The following SEC24B variants were observed in gnomAD, a reference collection of about 807,000 sequenced individuals.
The protein encoded by SEC24B is SEC24 homolog B, COPII component.
A neutral mutation model predicts 142.8 loss-of-function variants in SEC24B; 45 were observed. The observed-to-expected ratio is 0.32, with a 90% confidence interval of 0.25 to 0.40. The LOEUF is 0.40. Ranked by LOEUF, SEC24B falls within the 10% of genes least tolerant of loss-of-function variation. The probability of loss-of-function intolerance (pLI) is 1.00; values close to 1 mark genes in which losing one functional copy is unlikely to be tolerated. For missense variants in SEC24B, 1,409 were observed against 1,526.8 expected, an observed-to-expected ratio of 0.92 and a Z score of 1.29; for synonymous variants, 574 against 568.2, an observed-to-expected ratio of 1.01 and a Z score of -0.15.
rs76859998 is a variant in SEC24B at position 109,516,606 on chromosome 4, A to G, written c.2092A>G (p.Ile698Val). 7.6e-5 allele frequency: 123 copies of G among 1,612,014 alleles called. No individual in the cohort carries two copies. In the East Asian group the frequency reaches 2.4e-3, roughly 31 times the overall value. The change falls in exon 11 of 24, where the codon ATT becomes GTT. Residue 698 changes from isoleucine to valine, a missense_variant. This residue lies in a region of SEC24B where 700 missense variants were observed against 853.3 expected (regional missense o/e 0.82). Coordinates refer to ENST00000265175, the MANE Select transcript of SEC24B (RefSeq NM_006323.5). ...HNAVEAGYLT[I>V]LCQSLLENLD... ...TGCAGTGGAAGCTGGATATTTGACA[A>G]TTTTGTGCCAGTCACTCCTAGAAAA...
chr4:109,463,274 T>C lies in SEC24B; in HGVS notation c.507T>C (p.Ser169=). Residue 169 remains serine (S), a synonymous_variant, in exon 2 of 24, where the codon TCT becomes TCC. Transcript: ENST00000265175. Reference sequence around the variant, plus strand: ...GTCCAGCCATGTACTCTGCCAGCTCTTCTGTTGCGTCTCAGGGATTTCCCT... The same window carrying C: ...GTCCAGCCATGTACTCTGCCAGCTCCTCTGTTGCGTCTCAGGGATTTCCCT... The part of the protein sequence containing the change: ...YNSPAMYSAS[S]SVASQGFPST... 2 of 1,614,164 alleles carry C rather than the reference T, an allele frequency of 1.2e-6. No homozygotes were observed. The highest frequency in any genetic ancestry group is 4.5e-5 in the East Asian group (2 of 44,886).
At chr4:109,538,303 TTTATTGACTTATCCAGAAA>T (rs1725780162) in intron 22 of SEC24B, among the ~76,000 whole-genome samples, 171 bp from the exon 23 acceptor site, 1 of 152,234 alleles carries the variant, frequency 6.6e-6, no homozygotes, top group South Asian at 2.1e-4. Flanking sequence ...TTGCACATAT[TTTATTGACTTATCCAGAAA>T]AATATAAACA....
At chr4:109,526,961 G>C (rs1020978838) in intron 17 of SEC24B, among the ~76,000 whole-genome samples, 9 of 152,196 alleles carry the variant, frequency 5.9e-5, no homozygotes, top group Non-Finnish European at 1.5e-5. Context: ...GCTCACGCCT[G>C]TAATCCCAGC....
chr4:109,483,033 T>TA (rs1376296760), intron 4 of SEC24B, among the ~76,000 whole-genome samples: 6 of 116,974 alleles, frequency 5.1e-5, no homozygotes, highest in African/African-American at 3.1e-4. Flanking sequence ...TATATATGTA[T>TA]TTATATATAT....
At chr4:109,472,236 G>A (rs944439574) in intron 2 of SEC24B, among the ~76,000 whole-genome samples, 4 of 152,088 alleles carry the variant, frequency 2.6e-5, no homozygotes, top group East Asian at 1.9e-4. Flanking sequence ...TCAGTATATC[G>A]TGACTGCTCA....
Position 109,511,983 on chromosome 4 carries a change from C to T in SEC24B, c.1803C>T (p.Thr601=). Residue 601 remains threonine (T), a synonymous_variant, in exon 9 of 24, where the codon ACC becomes ACT. Coordinates refer to ENST00000265175, the MANE Select transcript of SEC24B (RefSeq NM_006323.5). ...LTQLPVITSN[T]IVRCRSCRTY... is the part of the protein sequence containing the mutation. The stretch of plus-strand genomic sequence containing the variant: ...AATTACCAGTGATAACATCAAATAC[C>T]ATTGTGAGGTGCCGATCCTGTCGAA... 6.2e-7 allele frequency: 1 copy of T among 1,613,590 alleles called. No homozygotes were observed. Among genetic ancestry groups the T allele is most frequent in the Non-Finnish European group, 8.5e-7 (1 of 1,179,844 alleles).
At chr4:109,435,836 G>A (rs763951598) in intron 1 of SEC24B, among the ~76,000 whole-genome samples, 2 of 152,180 alleles carry the variant, frequency 1.3e-5, no homozygotes, top group Non-Finnish European at 2.9e-5. Context: ...CCTGTATTTG[G>A]TAATGTTTGA....
At chr4:109,478,703 T>C (rs1032880456) in intron 3 of SEC24B, among the ~76,000 whole-genome samples, 1 of 152,190 alleles carries the variant, frequency 6.6e-6, no homozygotes, top group African/African-American at 2.4e-5. Flanking sequence ...TACTGTATAA[T>C]AAGAGACTGG....
At chr4:109,438,706 G>C (rs1466066011) in intron 1 of SEC24B, among the ~76,000 whole-genome samples, 1 of 152,200 alleles carries the variant, frequency 6.6e-6, no homozygotes, top group Non-Finnish European at 1.5e-5. Context: ...ACTTTTACTT[G>C]TTTTCTAGGT....
intron 14 of SEC24B, among the ~76,000 whole-genome samples, chr4:109,522,979 C>G (rs1412903291): frequency 6.6e-6 from 1 of 152,120 alleles, no homozygotes; most frequent in African/African-American, 2.4e-5. Flanking sequence ...AGCAATACCC[C>G]TACCTCAGCC....
In SEC24B at chr4:109,463,273, C is replaced by T; in HGVS notation, c.506C>T (p.Ser169Phe). ...AGTCCAGCCATGTACTCTGCCAGCT[C>T]TTCTGTTGCGTCTCAGGGATTTCCC... ...YNSPAMYSAS[S>F]SVASQGFPST... Residue 169 changes from serine to phenylalanine, a missense_variant, in exon 2 of 24, where the codon TCT becomes TTT. By Grantham distance (155) the Ser-to-Phe change is radical. Around this residue, in one of 2 missense-constraint regions of SEC24B, gnomAD observed 709 missense variants for 673.5 expected, o/e 1.05. Transcript: ENST00000265175. The T allele has an allele frequency of 1.2e-6, 2 of 1,614,174 alleles. No homozygotes were observed. The highest frequency in any genetic ancestry group is 1.7e-6 in the Non-Finnish European group (2 of 1,180,028).
chr4:109,446,130 A>G (rs572443391), intron 1 of SEC24B, among the ~76,000 whole-genome samples: 1 of 152,334 alleles, frequency 6.6e-6, no homozygotes, highest in Non-Finnish European at 1.5e-5. Context: ...TTCCCCAGCT[A>G]TGTCCATGTC....
In SEC24B at chr4:109,530,209, T is replaced by C. The variant is rs77644280; in HGVS notation, c.3077-80T>C. ...ACTTAGCTGAATTTTGTTTCTTAAA[T>C]AATGCGTATAAATTTTCTCTCTTAT... On this transcript the variant is annotated intron_variant, in intron 18 of 23. Transcript: ENST00000265175. The C allele has an allele frequency of 1.8e-3, 2,204 of 1,240,816 alleles. 32 individuals carry two copies. In the African/African-American group the frequency reaches 0.026, roughly 14 times the overall value. The allele number at this position is 1,240,816 out of a possible 1,614,324, so 76.9% of individuals were successfully genotyped here. A position where few individuals can be genotyped will look rare whatever the true frequency, so the allele number is the denominator to read the frequency against.
chr4:109,452,063 G>C (rs1233007364), intron 1 of SEC24B, among the ~76,000 whole-genome samples: 1 of 148,890 alleles, frequency 6.7e-6, no homozygotes, highest in Non-Finnish European at 1.5e-5. Flanking sequence ...ATCTGGAACA[G>C]TTCCATCACC....
At chr4:109,528,378 C>T (rs1182370836) in intron 18 of SEC24B, among the ~76,000 whole-genome samples, 1 of 150,916 alleles carries the variant, frequency 6.6e-6, no homozygotes, top group Non-Finnish European at 1.5e-5. Context: ...GTGAGCCGAG[C>T]CGAGGTCTCG....
At chr4:109,476,249 A>C (rs2125970636) in intron 3 of SEC24B, among the ~76,000 whole-genome samples, 1 of 152,272 alleles carries the variant, frequency 6.6e-6, no homozygotes, top group East Asian at 1.9e-4. Flanking sequence ...GGCCTCCCAA[A>C]GTGTTAGGAT....
intron 6 of SEC24B, among the ~76,000 whole-genome samples, chr4:109,504,435 G>C (rs1736484507): frequency 6.6e-6 from 1 of 151,400 alleles, no homozygotes; most frequent in East Asian, 1.9e-4. Flanking sequence ...CTTTGATTTT[G>C]GTAAAATAAC....
chr4:109,477,581 C>T (rs1490388726), intron 3 of SEC24B, among the ~76,000 whole-genome samples: 1 of 152,042 alleles, frequency 6.6e-6, no homozygotes, highest in Non-Finnish European at 1.5e-5. Context: ...CCACCTTGGC[C>T]TCCCAAGGTG....
chr4:109,460,024 A>AT (rs554490776), intron 1 of SEC24B, among the ~76,000 whole-genome samples: 28 of 152,302 alleles, frequency 1.8e-4, no homozygotes, highest in South Asian at 4.1e-4. Flanking sequence ...CAGATGAATT[A>AT]TTACCATCTA....
Sources: gnomAD v4.1 joint callset for allele counts (sites outside exome capture counted in the v4.1 genomes callset) on GRCh38, gnomAD v4.1.1 for gene constraint, gnomAD v4.1.1 regional missense constraint, MANE v1.5 for transcripts, NCBI Gene and HGNC (gene_info 2026-07-23, HGNC 2026-07-21) for gene names.